The following SERPINB10 variants were observed in gnomAD, a reference collection of about 807,000 sequenced individuals.
SERPINB10 encodes the protein serpin family B member 10.
SERPINB10 carries 35 observed loss-of-function variants against 39.1 expected under a neutral mutation model. The ratio of observed to expected loss-of-function variants is 0.90; its 90% CI spans 0.68 to 1.19. The LOEUF is 1.19. SERPINB10 is among the 50% of genes most tolerant of loss of function. SERPINB10 has a pLI of 0.00. For missense variants in SERPINB10, 546 were observed against 460.5 expected (o/e 1.19, Z -1.70); for synonymous variants, 190 against 158.1 (o/e 1.20, Z -1.52).
At chr18:63,933,928 G>A (rs2050242349) in intron 7 of SERPINB10, among the ~76,000 whole-genome samples, 1 of 152,140 alleles carries the variant, frequency 6.6e-6, no homozygotes, top group Non-Finnish European at 1.5e-5. Flanking sequence ...GATCCTACTA[G>A]TATGTAGAAA....
rs894241528 is a variant in SERPINB10 at position 63,907,963 on chromosome 18, A to C, written c.-87A>C. On this transcript the variant is annotated 5_prime_UTR_variant, in exon 1 of 8. Transcript: ENST00000238508. ...TTTTTTTTTTTAATTTCTTCAGTTG[A>C]AAGTTTCTCAACTCTTCAGCCACAA... is the stretch of plus-strand genomic sequence containing the variant. The C allele has an allele frequency of 3.2e-6, 1 of 310,186 alleles. No homozygotes were observed. The highest frequency in any genetic ancestry group is 6.6e-6 in the Non-Finnish European group (1 of 151,762). 19.2% of individuals were successfully genotyped at this position (310,186 alleles called of 1,614,324 possible).
chr18:63,934,776 C>A, intron 7 of SERPINB10, 62 bp from the exon 8 acceptor site: 1 of 1,525,504 alleles, frequency 6.6e-7, no homozygotes, highest in Non-Finnish European at 8.8e-7. Flanking sequence ...GCTCTCTCTA[C>A]TACTGTTTTT....
intron 4 of SERPINB10, among the ~76,000 whole-genome samples, chr18:63,919,111 A>G (rs1308803283): frequency 6.6e-6 from 1 of 152,024 alleles, no homozygotes; most frequent in Non-Finnish European, 1.5e-5. Flanking sequence ...GGAATACTAC[A>G]ATGTCTTGAA....
intron 7 of SERPINB10, among the ~76,000 whole-genome samples, chr18:63,934,225 C>T (rs1046224837): frequency 5.3e-5 from 8 of 151,902 alleles, no homozygotes; most frequent in African/African-American, 1.7e-4. Context: ...TACATATATA[C>T]ATACATATAT....
In SERPINB10 at chr18:63,923,268, A is replaced by G. The variant is rs371927420; in HGVS notation, c.490+3363A>G. On this transcript the variant is annotated intron_variant, in intron 5 of 7. Transcript: ENST00000238508. The stretch of plus-strand genomic sequence containing the variant: ...TGTATTTTCTATTTTGGACACAAAT[A>G]TCTGCTATTTGGAAGCATTCAACAT... Among the ~76,000 whole-genome samples, 3 of 152,140 alleles carry G rather than the reference A, an allele frequency of 2.0e-5. No homozygotes were observed. In the East Asian group the frequency reaches 5.8e-4, roughly 30 times the overall value.
chr18:63,935,148 C>A lies in SERPINB10; in HGVS notation c.1100C>A (p.Ser367Tyr). The A allele has an allele frequency of 2.5e-6, 4 of 1,613,364 alleles. No individual in the cohort carries two copies. The highest frequency in any genetic ancestry group is 3.4e-6 in the Non-Finnish European group (4 of 1,179,890). ...SEIDIRIRVP[S>Y]IEFNANHPFL... ...ATAGATATACGAATTAGAGTCCCAT[C>A]CATTGAATTCAATGCAAATCACCCA... Residue 367 changes from serine to tyrosine, a missense_variant, in exon 8 of 8, where the codon TCC becomes TAC. Physicochemically the swap from Ser to Tyr is moderately radical, Grantham distance 144. Transcript: ENST00000238508.
intron 2 of SERPINB10, among the ~76,000 whole-genome samples, chr18:63,917,115 G>A (rs2050109224): frequency 1.3e-5 from 2 of 151,898 alleles, no homozygotes; most frequent in African/African-American, 4.8e-5. Flanking sequence ...CTAAATGATG[G>A]TCTCAGTTGG....
chr18:63,927,647 A>G (rs1278813618), intron 5 of SERPINB10, among the ~76,000 whole-genome samples: 1 of 152,070 alleles, frequency 6.6e-6, no homozygotes, highest in Non-Finnish European at 1.5e-5. Context: ...CCACCTGTTA[A>G]TTCTATCACA....
At chr18:63,928,583 T>C (rs929546227) in intron 5 of SERPINB10, among the ~76,000 whole-genome samples, 9 of 152,058 alleles carry the variant, frequency 5.9e-5, no homozygotes, top group East Asian at 1.9e-4. Flanking sequence ...AAGAAGGAAG[T>C]ATTTCAGTCC....
chr18:63,917,965 G>C lies in SERPINB10; in HGVS notation c.235G>C (p.Glu79Gln). 6.2e-6 allele frequency: 10 copies of C among 1,611,136 alleles called. No individual in the cohort carries two copies. The highest frequency in any genetic ancestry group is 8.5e-6 in the Non-Finnish European group (10 of 1,178,224). The change falls in exon 4 of 8, where the codon GAA becomes CAA. Residue 79 changes from glutamate to glutamine, a missense_variant and splice_region_variant. Physicochemically the swap from Glu to Gln is conservative, Grantham distance 29. Transcript: ENST00000238508. Reference sequence around the variant, plus strand: ...TTGACTAGTTCCTTCTCTTTTAAAGGAATTCAACTTGAGCAACTCGGAAGA... The same window carrying C: ...TTGACTAGTTCCTTCTCTTTTAAAGCAATTCAACTTGAGCAACTCGGAAGA... ...DPESEKKRKMEFNLSNSEEIH... is the reference protein window; with the variant it reads ...DPESEKKRKMQFNLSNSEEIH...
chr18:63,913,892 T>C (rs1158388156), intron 1 of SERPINB10, among the ~76,000 whole-genome samples: 1 of 152,096 alleles, frequency 6.6e-6, no homozygotes, highest in Non-Finnish European at 1.5e-5. Context: ...TCTGTCTAAG[T>C]CTTTTTGTAG....
intron 2 of SERPINB10, among the ~76,000 whole-genome samples, 188 bp downstream of exon 2, chr18:63,915,866 GT>G (rs2050098764): frequency 6.6e-6 from 1 of 152,056 alleles, no homozygotes; most frequent in Non-Finnish European, 1.5e-5. Flanking sequence ...TTTGCAAACT[GT>G]TGCTAGGAAA....
At chr18:63,928,677 A>G (rs1039174298) in intron 5 of SERPINB10, among the ~76,000 whole-genome samples, 9 of 151,980 alleles carry the variant, frequency 5.9e-5, no homozygotes, top group African/African-American at 2.2e-4. Flanking sequence ...CTACCCATGA[A>G]CATGGAATGT....
rs763286030 is a variant in SERPINB10, at chr18:63,910,760, T to TTG, written c.-10+2740_-10+2741dup. Among the ~76,000 whole-genome samples the TTG allele has an allele frequency of 5.8e-3, 488 of 83,558 alleles. 2 individuals carry two copies. The highest frequency in any genetic ancestry group is 0.024 in the African/African-American group (368 of 15,412). 54.8% of individuals were successfully genotyped at this position (83,558 alleles called of 152,430 possible). A position where few individuals can be genotyped will look rare whatever the true frequency, so the allele number is the denominator to read the frequency against. ...TTGTGAATAGTGCTGTGATGAACAC[T>TTG]TGTGTGTGTGTGTGTGTGTGTCTCT... On this transcript the variant is annotated intron_variant, in intron 1 of 7. Transcript: ENST00000238508.
chr18:63,911,318 C>G (rs917763926), intron 1 of SERPINB10, among the ~76,000 whole-genome samples: 3 of 151,216 alleles, frequency 2.0e-5, no homozygotes, highest in Admixed American at 1.3e-4. Flanking sequence ...GTTGCAATTG[C>G]TTTTGAAGAC....
chr18:63,935,295 C>A lies in SERPINB10; in HGVS notation c.*53C>A. The A allele has an allele frequency of 6.7e-7, 1 of 1,487,204 alleles. No individual in the cohort carries two copies. 92.1% of individuals were successfully genotyped at this position (1,487,204 alleles called of 1,614,324 possible). On this transcript the variant is annotated 3_prime_UTR_variant, in exon 8 of 8. Transcript: ENST00000238508. ...CCATCTTACAGTGTGAAAAATGTAC[C>A]ATGAGATGGAAAAGCACAATTTTCA...
intron 5 of SERPINB10, 79 bp from the exon 6 acceptor site, chr18:63,929,966 A>G (rs928178364): frequency 4.1e-6 from 6 of 1,459,740 alleles, no homozygotes; most frequent in Non-Finnish European, 5.6e-6. Context: ...AGTTCCAGAA[A>G]AAATAGAAGC....
At chr18:63,930,847 G>A (rs1261444244) in intron 6 of SERPINB10, among the ~76,000 whole-genome samples, 1 of 152,112 alleles carries the variant, frequency 6.6e-6, no homozygotes, top group South Asian at 2.1e-4. Context: ...GAGACCAGTT[G>A]GAAAATCCCA....
intron 1 of SERPINB10, among the ~76,000 whole-genome samples, chr18:63,913,409 T>C (rs1350559216): frequency 6.6e-6 from 1 of 152,086 alleles, no homozygotes; most frequent in Non-Finnish European, 1.5e-5. Context: ...AAGGTAGGCA[T>C]TTAGTGCTAT....
Sources: gnomAD v4.1 joint callset for allele counts (sites outside exome capture counted in the v4.1 genomes callset) on GRCh38, gnomAD v4.1.1 for gene constraint, MANE v1.5 for transcripts, NCBI Gene and HGNC (gene_info 2026-07-23, HGNC 2026-07-21) for gene names.